KMT2C: variants seen among roughly 807,000 people sequenced by gnomAD.
KMT2C encodes histone-lysine N-methyltransferase 2C.
Under a neutral mutation model 507.9 loss-of-function variants are expected in KMT2C, and 88 were observed. That is an observed-to-expected ratio of 0.17 (90% CI 0.15 to 0.21). The LOEUF (loss-of-function observed/expected upper bound fraction) is 0.21. KMT2C is among the 10% of genes least tolerant of loss of function. KMT2C has a pLI of 1.00. For missense variants in KMT2C, 4,954 were observed against 5,957.8 expected (o/e 0.83, Z 5.55); for synonymous variants, 2,049 against 2,080.8 (o/e 0.98, Z 0.42).
At chr7:152,194,408 T>C (rs2129129497) in intron 29 of KMT2C, 32 bp downstream of exon 29, 3 of 1,599,824 alleles carry the variant, frequency 1.9e-6, no homozygotes, top group East Asian at 2.2e-5. Flanking sequence ...TCAGGTCTTT[T>C]AGAAAGCCTA....
At chr7:152,219,135 A>G (rs2094683996) in intron 23 of KMT2C, among the ~76,000 whole-genome samples, 1 of 151,946 alleles carries the variant, frequency 6.6e-6, no homozygotes, top group South Asian at 2.1e-4. Context: ...GAGCCCGGCT[A>G]ATTTTTGTAT....
chr7:152,421,415 G>A (rs555347761), intron 1 of KMT2C, among the ~76,000 whole-genome samples: 8 of 152,082 alleles, frequency 5.3e-5, no homozygotes, highest in East Asian at 1.9e-4. Context: ...AATAGAAATC[G>A]TTCTACCATA....
At chr7:152,232,525 T>A (rs1434961898) in intron 16 of KMT2C, among the ~76,000 whole-genome samples, 1 of 152,170 alleles carries the variant, frequency 6.6e-6, no homozygotes, top group Non-Finnish European at 1.5e-5. Context: ...CTGCTTTTCA[T>A]CAGTTCAGAA....
intron 1 of KMT2C, among the ~76,000 whole-genome samples, chr7:152,412,006 A>G (rs1223450678): frequency 6.6e-6 from 1 of 152,256 alleles, no homozygotes; most frequent in Non-Finnish European, 1.5e-5. Context: ...TAGATCTTCA[A>G]TGTGTATCAA....
intron 7 of KMT2C, among the ~76,000 whole-genome samples, chr7:152,267,644 C>T (rs1193998333): frequency 2.0e-5 from 3 of 152,232 alleles, no homozygotes; most frequent in African/African-American, 7.2e-5. Context: ...TCTTCTGCAT[C>T]AAATCATCTC....
At chr7:152,364,595 C>T (rs1379232565) in intron 1 of KMT2C, among the ~76,000 whole-genome samples, 4 of 136,862 alleles carry the variant, frequency 2.9e-5, no homozygotes, top group Admixed American at 7.2e-5. Flanking sequence ...GGTGACAGAG[C>T]GAGACTCCGT....
intron 1 of KMT2C, among the ~76,000 whole-genome samples, chr7:152,360,762 T>C (rs1258927359): frequency 6.6e-6 from 1 of 151,180 alleles, no homozygotes; most frequent in Non-Finnish European, 1.5e-5. Context: ...GGCAGGAGAA[T>C]TGCTTGAACC....
chr7:152,419,066 A>T (rs1157080728), intron 1 of KMT2C, among the ~76,000 whole-genome samples: 1 of 152,080 alleles, frequency 6.6e-6, no homozygotes, highest in Non-Finnish European at 1.5e-5. Context: ...AAAGAAAAAA[A>T]ATAGACTGGG....
intron 1 of KMT2C, among the ~76,000 whole-genome samples, chr7:152,378,898 A>G (rs1280959555): frequency 1.3e-5 from 2 of 152,202 alleles, no homozygotes; most frequent in African/African-American, 2.4e-5. Flanking sequence ...CTTCACTGAA[A>G]TAATACAAGC....
rs865883130 is a variant in KMT2C at position 152,187,476 on chromosome 7, C to G, written c.4794G>C (p.Arg1598Ser). ...TTGGATTAAAGGCTGAATTTTTATC[C>G]CTGGGAAAAAATAAATATCTTTACT... is the stretch of plus-strand genomic sequence containing the variant. ...AIAQSSYPDA[R>S]DKNSAFNPMA... The change falls in exon 33 of 59, where the codon AGG becomes AGC. Residue 1598 changes from arginine (R) to serine (S), a missense_variant and splice_region_variant. Around this residue, in one of 29 missense-constraint regions of KMT2C, gnomAD observed 195 missense variants for 183.7 expected, o/e 1.06. Transcript: ENST00000262189. 1 of 1,609,106 alleles carries G rather than the reference C, an allele frequency of 6.2e-7. No individual in the cohort carries two copies. Among genetic ancestry groups the G allele is most frequent in the Non-Finnish European group, 8.5e-7 (1 of 1,176,444 alleles).
At chr7:152,238,991 T>C (rs2095334545) in intron 14 of KMT2C, 165 bp from the exon 15 acceptor site, 1 of 564,560 alleles carries the variant, frequency 1.8e-6, no homozygotes, top group South Asian at 2.4e-5. Flanking sequence ...TAACAGTGAT[T>C]TAAACATTTA....
In KMT2C at chr7:152,205,328, A is replaced by C. The variant is rs1373822510; in HGVS notation, c.3842-103T>G. ...TATCTTGAATAGTAAGTCATTTTCCAAAATTAAATCTGTGCTAATCTAAAT... is the reference window on the plus strand; with the variant it reads ...TATCTTGAATAGTAAGTCATTTTCCCAAATTAAATCTGTGCTAATCTAAAT... On this transcript the variant is annotated intron_variant, in intron 24 of 58. Coordinates refer to ENST00000262189, the MANE Select transcript of KMT2C (RefSeq NM_170606.3). 9.4e-6 allele frequency: 8 copies of C among 849,208 alleles called. No individual in the cohort carries two copies. The Admixed American group carries it at 1.6e-4, about 17-fold the overall frequency. The allele number at this position is 849,208 out of a possible 1,614,324, so 52.6% of individuals were successfully genotyped here. A position where few individuals can be genotyped will look rare whatever the true frequency, so the allele number is the denominator to read the frequency against.
At chr7:152,345,703 T>C (rs1411894561) in intron 2 of KMT2C, among the ~76,000 whole-genome samples, 1 of 152,130 alleles carries the variant, frequency 6.6e-6, no homozygotes, top group Non-Finnish European at 1.5e-5. Flanking sequence ...GTATTTTTAA[T>C]AGAGGTGGGG....
At chr7:152,332,507 C>T (rs2096893388) in intron 2 of KMT2C, among the ~76,000 whole-genome samples, 1 of 152,202 alleles carries the variant, frequency 6.6e-6, no homozygotes, top group Non-Finnish European at 1.5e-5. Flanking sequence ...CTACTACCTT[C>T]CCCTTCAACT....
intron 9 of KMT2C, among the ~76,000 whole-genome samples, chr7:152,258,480 G>T (rs775941106): frequency 1.3e-5 from 2 of 151,966 alleles, no homozygotes; most frequent in Non-Finnish European, 2.9e-5. Flanking sequence ...GGTTAAAATG[G>T]CATCATCAGG....
chr7:152,205,545 C>T (rs938261960), intron 24 of KMT2C, among the ~76,000 whole-genome samples: 11 of 152,088 alleles, frequency 7.2e-5, no homozygotes, highest in African/African-American at 2.7e-4. Context: ...ATATTAGTGC[C>T]TCATACATCA....
At chr7:152,301,557 T>C (rs2096568791) in intron 6 of KMT2C, among the ~76,000 whole-genome samples, 1 of 151,908 alleles carries the variant, frequency 6.6e-6, no homozygotes, top group Admixed American at 6.6e-5. Context: ...TGTGGTGGCA[T>C]GCATTTGTGA....
At chr7:152,187,177 T>C in intron 33 of KMT2C, 85 bp downstream of exon 33, 1 of 1,059,342 alleles carries the variant, frequency 9.4e-7, no homozygotes. Context: ...TTAGTTAAGC[T>C]ACCTTTCTAT....
At chr7:152,354,583 T>C (rs1212690674) in intron 2 of KMT2C, among the ~76,000 whole-genome samples, 1 of 152,206 alleles carries the variant, frequency 6.6e-6, no homozygotes, top group African/African-American at 2.4e-5. Flanking sequence ...TTAGACAAGT[T>C]TGTCAGGAAA....
Sources: gnomAD v4.1 joint callset for allele counts (sites outside exome capture counted in the v4.1 genomes callset) on GRCh38, gnomAD v4.1.1 for gene constraint, gnomAD v4.1.1 regional missense constraint, MANE v1.5 for transcripts, NCBI Gene and HGNC (gene_info 2026-07-23, HGNC 2026-07-21) for gene names.